Variants in MECOM observed in about 807,000 individuals in gnomAD.
The protein encoded by MECOM is MDS1 and EVI1 complex locus.
A neutral mutation model predicts 116.3 loss-of-function variants in MECOM; 13 were observed. The ratio of observed to expected loss-of-function variants is 0.11; its 90% CI spans 0.07 to 0.18. MECOM has a LOEUF of 0.18. MECOM is among the 10% of genes least tolerant of loss of function. The probability of loss-of-function intolerance (pLI) is 1.00; values close to 1 mark genes in which losing one functional copy is unlikely to be tolerated. For synonymous variants in MECOM, 528 were observed against 535.2 expected (o/e 0.99, Z 0.19); for missense variants, 1,299 against 1,509.0 (o/e 0.86, Z 2.31).
At chr3:169,622,475 C>A (rs1385340487) in intron 1 of MECOM, among the ~76,000 whole-genome samples, 1 of 152,154 alleles carries the variant, frequency 6.6e-6, no homozygotes, top group Non-Finnish European at 1.5e-5. Flanking sequence ...AGCTAAGACC[C>A]CACTTACTTT....
intron 2 of MECOM, among the ~76,000 whole-genome samples, chr3:169,356,207 A>G (rs571266051): frequency 6.6e-6 from 1 of 152,014 alleles, no homozygotes; most frequent in South Asian, 2.1e-4. Flanking sequence ...AGAACAAATC[A>G]AAAGAAAAAC....
intron 14 of MECOM, among the ~76,000 whole-genome samples, chr3:169,090,573 C>A (rs2148853852): frequency 6.6e-6 from 1 of 152,102 alleles, no homozygotes; most frequent in South Asian, 2.1e-4. Context: ...ATGTTCTCAG[C>A]ACAATTTACC....
At chr3:169,393,976 A>G (rs947867917) in intron 1 of MECOM, among the ~76,000 whole-genome samples, 8 of 152,176 alleles carry the variant, frequency 5.3e-5, no homozygotes, top group Admixed American at 3.3e-4. Flanking sequence ...ATGAGAAAAA[A>G]TTATAACTGT....
At chr3:169,490,557 C>A (rs1752959411) in intron 1 of MECOM, among the ~76,000 whole-genome samples, 1 of 152,082 alleles carries the variant, frequency 6.6e-6, no homozygotes, top group Admixed American at 6.6e-5. Flanking sequence ...ATGGATTAAT[C>A]TCAAATACAA....
chr3:169,136,997 T>A (rs1736556355), intron 3 of MECOM, among the ~76,000 whole-genome samples: 1 of 152,110 alleles, frequency 6.6e-6, no homozygotes, highest in African/African-American at 2.4e-5. Context: ...AGAAATATAC[T>A]CCCAGCAAAA....
chr3:169,265,535 T>A (rs2149631508), intron 2 of MECOM, among the ~76,000 whole-genome samples: 1 of 152,310 alleles, frequency 6.6e-6, no homozygotes, highest in Non-Finnish European at 1.5e-5. Context: ...ATTGGAAGAT[T>A]GAAGTTGAAT....
chr3:169,523,670 G>A (rs527336797), intron 1 of MECOM, among the ~76,000 whole-genome samples: 1 of 152,064 alleles, frequency 6.6e-6, no homozygotes, highest in East Asian at 1.9e-4. Flanking sequence ...TGCAATGTAA[G>A]AAATGTTTTT....
At chr3:169,106,783 C>T (rs1187190068) in intron 10 of MECOM, among the ~76,000 whole-genome samples, 1 of 152,050 alleles carries the variant, frequency 6.6e-6, no homozygotes, top group East Asian at 1.9e-4. Flanking sequence ...AGGCACAATA[C>T]TCAAGACAGA....
intron 2 of MECOM, among the ~76,000 whole-genome samples, chr3:169,214,773 T>C (rs1751215482): frequency 1.3e-5 from 2 of 149,742 alleles, no homozygotes; most frequent in South Asian, 2.1e-4. Flanking sequence ...AATAAGTCTT[T>C]AGGTTTTCAG....
intron 1 of MECOM, among the ~76,000 whole-genome samples, chr3:169,638,630 A>T (rs951490880): frequency 6.6e-6 from 1 of 152,220 alleles, no homozygotes; most frequent in African/African-American, 2.4e-5. Flanking sequence ...GAGGGCTCAC[A>T]CATCTGCTTC....
intron 2 of MECOM, among the ~76,000 whole-genome samples, chr3:169,203,781 T>G (rs1055075047): frequency 6.6e-6 from 1 of 152,178 alleles, no homozygotes; most frequent in African/African-American, 2.4e-5. Context: ...TGTCATTGCA[T>G]TCTTAGTATT....
chr3:169,628,497 C>A (rs1161735965), intron 1 of MECOM, among the ~76,000 whole-genome samples: 1 of 152,136 alleles, frequency 6.6e-6, no homozygotes, highest in Non-Finnish European at 1.5e-5. Context: ...AGCACCTTTC[C>A]TTTGCAGGCT....
chr3:169,544,683 T>C (rs141485535), intron 1 of MECOM, among the ~76,000 whole-genome samples: 110 of 152,294 alleles, frequency 7.2e-4, no homozygotes, highest in Middle Eastern at 3.4e-3. Context: ...TGGAATACTA[T>C]GCAACCGTAA....
At chr3:169,147,466 TG>T (rs1405615326) in intron 2 of MECOM, 2 of 985,272 alleles carry the variant, frequency 2.0e-6, no homozygotes, top group Non-Finnish European at 2.4e-6. Context: ...CCGCCCAGAG[TG>T]ATCTGATCGG....
In MECOM at chr3:169,134,294, A is replaced by G. The variant is rs1735703239; in HGVS notation, c.511-2763T>C. On this transcript the variant is annotated intron_variant, in intron 3 of 16. Coordinates refer to ENST00000651503, the MANE Select transcript of MECOM (RefSeq NM_004991.4). ...TTGCCAAGACATAGATCACTACTGT[A>G]ATTTCCCTTTAAGAGTCCAGATTGT... Among the ~76,000 whole-genome samples the G allele has an allele frequency of 2.0e-5, 3 of 152,330 alleles. No homozygotes were observed. In the South Asian group the frequency reaches 6.2e-4, roughly 32 times the overall value.
intron 1 of MECOM, among the ~76,000 whole-genome samples, chr3:169,657,156 C>T (rs534519242): frequency 2.0e-5 from 3 of 152,310 alleles, no homozygotes; most frequent in African/African-American, 7.2e-5. Flanking sequence ...TCTCTGTCCC[C>T]TGTAGACCCA....
chr3:169,588,329 T>G (rs1766002508), intron 1 of MECOM, among the ~76,000 whole-genome samples: 1 of 152,184 alleles, frequency 6.6e-6, no homozygotes, highest in Non-Finnish European at 1.5e-5. Context: ...TCTTTTTTAT[T>G]TTGCCATAGA....
At chr3:169,618,704 A>C (rs1172670412) in intron 1 of MECOM, among the ~76,000 whole-genome samples, 1 of 152,204 alleles carries the variant, frequency 6.6e-6, no homozygotes, top group Non-Finnish European at 1.5e-5. Context: ...TGGGTCATTA[A>C]ACAACAACCG....
chr3:169,553,081 A>G (rs1412439173), intron 1 of MECOM, among the ~76,000 whole-genome samples: 3 of 152,262 alleles, frequency 2.0e-5, no homozygotes, highest in Non-Finnish European at 2.9e-5. Context: ...AAGACAAAAA[A>G]AAAAAGAAAA....
Sources: gnomAD v4.1 joint callset for allele counts (sites outside exome capture counted in the v4.1 genomes callset) on GRCh38, gnomAD v4.1.1 for gene constraint, MANE v1.5 for transcripts, NCBI Gene and HGNC (gene_info 2026-07-23, HGNC 2026-07-21) for gene names.